IL36B: variants seen among roughly 807,000 people sequenced by gnomAD.
IL36B encodes interleukin-36 beta.
Under a neutral mutation model 19.3 loss-of-function variants are expected in IL36B, and 23 were observed. The ratio of observed to expected loss-of-function variants is 1.19; its 90% CI spans 0.86 to 1.69. The LOEUF (loss-of-function observed/expected upper bound fraction) is 1.69, where lower values mean the gene tolerates loss of function less well. IL36B is among the 40% of genes most tolerant of loss of function. The pLI is 0.00. For synonymous variants in IL36B, 59 were observed against 59.7 expected, an observed-to-expected ratio of 0.99 and a Z score of 0.05; for missense variants, 217 against 200.5, an observed-to-expected ratio of 1.08 and a Z score of -0.50.
chr2:113,046,006 A>G (rs1011874012), intron 1 of IL36B, among the ~76,000 whole-genome samples: 6 of 152,096 alleles, frequency 3.9e-5, no homozygotes, highest in African/African-American at 1.4e-4. Flanking sequence ...AGACACTGTA[A>G]TTTTACTGTG....
At chr2:113,035,146 G>A (rs1022311861) in intron 1 of IL36B, among the ~76,000 whole-genome samples, 9 of 152,184 alleles carry the variant, frequency 5.9e-5, no homozygotes, top group African/African-American at 1.9e-4. Flanking sequence ...GTTGGCAGAA[G>A]GGTTGGAACC....
At chr2:113,032,539 C>A (rs971289003) in intron 1 of IL36B, among the ~76,000 whole-genome samples, 2 of 152,190 alleles carry the variant, frequency 1.3e-5, no homozygotes, top group African/African-American at 4.8e-5. Flanking sequence ...CCCTTGTAAG[C>A]AGCCCTGGAT....
intron 3 of IL36B, among the ~76,000 whole-genome samples, chr2:113,030,486 G>A (rs1205357811): frequency 6.6e-6 from 1 of 152,200 alleles, no homozygotes; most frequent in African/African-American, 2.4e-5. Flanking sequence ...GAAAATGTGG[G>A]AATCAAGAGA....
chr2:113,027,469 A>G (rs1684984896), intron 4 of IL36B: 3 of 1,023,106 alleles, frequency 2.9e-6, no homozygotes, highest in Non-Finnish European at 2.3e-6. Context: ...TTAATTTCAC[A>G]TTCATCTCAT....
intron 5 of IL36B, among the ~76,000 whole-genome samples, chr2:113,023,208 T>C (rs1684893532): frequency 6.6e-6 from 1 of 152,226 alleles, no homozygotes. Flanking sequence ...TGGCCATATT[T>C]TCCCCTTTTT....
At chr2:113,041,161 A>AAT (rs1035645173) in intron 1 of IL36B, among the ~76,000 whole-genome samples, 6 of 131,382 alleles carry the variant, frequency 4.6e-5, no homozygotes, top group African/African-American at 6.6e-5. Context: ...TGCCACACAC[A>AAT]AAAAAAAAGG....
intron 1 of IL36B, among the ~76,000 whole-genome samples, chr2:113,038,985 C>A (rs182656187): frequency 2.2e-4 from 33 of 152,252 alleles, no homozygotes; most frequent in African/African-American, 7.2e-4. Flanking sequence ...TTCCCATGTC[C>A]CTTTCTCACC....
chr2:113,036,624 G>A (rs1685171753), intron 1 of IL36B, among the ~76,000 whole-genome samples: 1 of 152,132 alleles, frequency 6.6e-6, no homozygotes, highest in African/African-American at 2.4e-5. Flanking sequence ...CCTGCCCCCA[G>A]GAAGAACACA....
At chr2:113,044,562 T>C (rs1430536846) in intron 1 of IL36B, among the ~76,000 whole-genome samples, 4 of 152,172 alleles carry the variant, frequency 2.6e-5, no homozygotes, top group Non-Finnish European at 2.9e-5. Context: ...GGTGTTAACA[T>C]GGTATATCAT....
At position 113,022,789 on chromosome 2, in the gene IL36B, G is replaced by A. The variant is rs866451511; in HGVS notation, c.392-12C>T. 1 of 1,552,656 alleles carries A rather than the reference G, an allele frequency of 6.4e-7. No individual in the cohort carries two copies. The highest frequency in any genetic ancestry group is 8.9e-7 in the Non-Finnish European group (1 of 1,124,464). On this transcript the variant is annotated splice_polypyrimidine_tract_variant and intron_variant, in intron 5 of 5. Coordinates refer to ENST00000259213, the MANE Select transcript of IL36B (RefSeq NM_014438.5). ...CCACTTCTTTCTACCTGCAGGAAAGGAGAAGTATCTCCTAGGCTTAGCAAG... is the reference window on the plus strand; with the variant it reads ...CCACTTCTTTCTACCTGCAGGAAAGAAGAAGTATCTCCTAGGCTTAGCAAG...
intron 4 of IL36B, 149 bp from the exon 5 acceptor site, chr2:113,028,264 A>C (rs1685001883): frequency 1.5e-6 from 1 of 656,240 alleles, no homozygotes; most frequent in Non-Finnish European, 2.6e-6. Flanking sequence ...AGGGCATTAG[A>C]GTGTTAAAAA....
At chr2:113,026,772 A>G (rs1255225284) in intron 4 of IL36B, among the ~76,000 whole-genome samples, 1 of 152,228 alleles carries the variant, frequency 6.6e-6, no homozygotes, top group Non-Finnish European at 1.5e-5. Context: ...TTCTTCTTCC[A>G]GCAACTTTAT....
intron 4 of IL36B, among the ~76,000 whole-genome samples, chr2:113,028,600 C>T (rs1432962139): frequency 2.0e-5 from 3 of 152,212 alleles, no homozygotes; most frequent in Admixed American, 1.3e-4. Context: ...GCTGTGCAGT[C>T]ACCTTTGGTG....
chr2:113,026,239 G>T lies in IL36B; in HGVS notation c.262-7C>A. On this transcript the variant is annotated splice_polypyrimidine_tract_variant and splice_region_variant and intron_variant, in intron 4 of 5. Coordinates refer to ENST00000259213, the MANE Select transcript of IL36B (RefSeq NM_014438.5). The stretch of plus-strand genomic sequence containing the variant: ...TATCTTGGGAGCCCTGAAGCTGGAA[G>T]AGAGAAATGTTCAATGTTGCTGAGA... The T allele has an allele frequency of 1.2e-6, 2 of 1,613,558 alleles. No homozygotes were observed. Among genetic ancestry groups the T allele is most frequent in the Non-Finnish European group, 1.7e-6 (2 of 1,179,606 alleles).
chr2:113,027,877 CCAGCCACCCA>C, intron 4 of IL36B: 1 of 1,612,598 alleles, frequency 6.2e-7, no homozygotes, highest in African/African-American at 1.3e-5. Context: ...TATCCTGGAA[CCAGCCACCCA>C]CAGCCTAGGC....
intron 4 of IL36B, chr2:113,027,957 G>A: frequency 6.2e-7 from 1 of 1,614,168 alleles, no homozygotes. Context: ...CTCTCTCCTT[G>A]GTGAGAAAGA....
chr2:113,042,203 C>T (rs779266396), intron 1 of IL36B, among the ~76,000 whole-genome samples: 2 of 152,246 alleles, frequency 1.3e-5, no homozygotes, highest in Non-Finnish European at 2.9e-5. Context: ...TCTATTAGGG[C>T]AGGAGTCGTC....
chr2:113,042,657 A>G (rs1345128073), intron 1 of IL36B, among the ~76,000 whole-genome samples: 3 of 152,202 alleles, frequency 2.0e-5, no homozygotes, highest in Admixed American at 1.3e-4. Flanking sequence ...AGTTGTTCCA[A>G]TAGTCATTCC....
At chr2:113,049,117 C>T (rs1281052775) in intron 1 of IL36B, among the ~76,000 whole-genome samples, 1 of 152,116 alleles carries the variant, frequency 6.6e-6, no homozygotes, top group Non-Finnish European at 1.5e-5. Context: ...AAATTAGACC[C>T]TTATCTTATA....
Sources: allele counts gnomAD v4.1 joint callset (sites outside exome capture counted in the v4.1 genomes callset), GRCh38; gene constraint gnomAD v4.1.1; transcripts MANE v1.5; gene names NCBI Gene and HGNC (gene_info 2026-07-23, HGNC 2026-07-21).